The following SND1 variants were observed in gnomAD, a reference collection of about 807,000 sequenced individuals.
The protein encoded by SND1 is staphylococcal nuclease domain-containing protein 1.
Under a neutral mutation model 121.7 loss-of-function variants are expected in SND1, and 38 were observed. The observed-to-expected ratio is 0.31, with a 90% CI of 0.24 to 0.41. The LOEUF (loss-of-function observed/expected upper bound fraction) is 0.41. Ranked by LOEUF, SND1 falls within the 10% of genes least tolerant of loss-of-function variation. SND1 has a pLI of 1.00. For missense variants in SND1, 868 were observed against 1,184.6 expected, an observed-to-expected ratio of 0.73 and a Z score of 3.92; for synonymous variants, 401 against 447.4, an observed-to-expected ratio of 0.90 and a Z score of 1.31.
intron 16 of SND1, among the ~76,000 whole-genome samples, chr7:128,049,417 GC>G (rs1211060798): frequency 6.6e-6 from 1 of 151,952 alleles, no homozygotes; most frequent in Non-Finnish European, 1.5e-5. Context: ...TCCCTCCAAG[GC>G]CTCCCGACAA....
chr7:128,064,359 CAAG>C (rs1401576217), intron 16 of SND1, among the ~76,000 whole-genome samples: 1 of 152,100 alleles, frequency 6.6e-6, no homozygotes, highest in Non-Finnish European at 1.5e-5. Flanking sequence ...TCCTTAGAGA[CAAG>C]TCTGGTACAG....
At chr7:127,775,187 A>T (rs1238901794) in intron 10 of SND1, among the ~76,000 whole-genome samples, 1 of 152,226 alleles carries the variant, frequency 6.6e-6, no homozygotes. Context: ...GCAAGGACGG[A>T]TTATTCCTTA....
intron 1 of SND1, among the ~76,000 whole-genome samples, chr7:127,684,481 T>G (rs1795779654): frequency 6.6e-6 from 1 of 152,228 alleles, no homozygotes; most frequent in East Asian, 1.9e-4. Context: ...TTTCTACCAC[T>G]TGTGAGAAAG....
At chr7:127,752,436 G>A (rs1797113018) in intron 10 of SND1, among the ~76,000 whole-genome samples, 1 of 152,214 alleles carries the variant, frequency 6.6e-6, no homozygotes, top group African/African-American at 2.4e-5. Flanking sequence ...TTTCTTCGGA[G>A]ACCCAGCCAG....
At position 127,754,369 on chromosome 7, in the gene SND1, C is replaced by G. The variant is rs555655921; in HGVS notation, c.1152+32969C>G. 3.3e-5 allele frequency among the ~76,000 whole-genome samples: 5 copies of G among 152,304 alleles called. No homozygotes were observed. The South Asian group carries it at 1.0e-3, about 32-fold the overall frequency. ...TTGCCAGAACCAAATTTCCTATAGG[C>G]TTTATGTAGTCCACTAAGGGTAAAT... is the stretch of plus-strand genomic sequence containing the variant. On this transcript the variant is annotated intron_variant, in intron 10 of 23. Coordinates refer to ENST00000354725, the MANE Select transcript of SND1 (RefSeq NM_014390.4).
intron 14 of SND1, among the ~76,000 whole-genome samples, chr7:127,910,259 G>A (rs1800426689): frequency 6.6e-6 from 1 of 152,074 alleles, no homozygotes; most frequent in African/African-American, 2.4e-5. Flanking sequence ...GGCCAACATG[G>A]CAAAACCCCA....
chr7:127,944,104 T>G (rs1801274806), intron 15 of SND1, among the ~76,000 whole-genome samples: 1 of 152,236 alleles, frequency 6.6e-6, no homozygotes, highest in Admixed American at 6.5e-5. Context: ...AATGCATTTG[T>G]GCAGATAGCT....
rs771628442 is a variant in SND1 at position 127,807,503 on chromosome 7, G to A, written c.1172G>A (p.Arg391His). Reference sequence around the variant, plus strand: ...TTTTAGGATAAGAACAAGAAACTGCGTCCCCTGTATGACATTCCTTACATG... The same window carrying A: ...TTTTAGGATAAGAACAAGAAACTGCATCCCCTGTATGACATTCCTTACATG... ...ENTQDKNKKL[R>H]PLYDIPYMFE... is the part of the protein sequence containing the mutation. The change falls in exon 11 of 24, where the codon CGT (arginine) becomes CAT (histidine). Residue 391 changes from arginine to histidine, a missense_variant. This residue lies in a region of SND1 where 743 missense variants were observed against 1,071.3 expected (regional missense o/e 0.69). Transcript: ENST00000354725. 4.3e-6 allele frequency: 7 copies of A among 1,613,854 alleles called. No homozygotes were observed. The highest frequency in any genetic ancestry group is 3.3e-5 in the South Asian group (3 of 91,062).
chr7:127,816,059 A>G (rs1798433241), intron 11 of SND1, among the ~76,000 whole-genome samples: 1 of 152,148 alleles, frequency 6.6e-6, no homozygotes, highest in Non-Finnish European at 1.5e-5. Context: ...ACCCAAGCAC[A>G]TTTCCAGTGT....
In SND1 at chr7:127,751,723, A is replaced by G. The variant is rs899979153; in HGVS notation, c.1152+30323A>G. On this transcript the variant is annotated intron_variant, in intron 10 of 23. Transcript: ENST00000354725. ...ATCTGTGGGCTGGGCAGGGTTTGGA[A>G]AATAAGGAGAGTCCTTGCAGTTTTG... 2.6e-5 allele frequency among the ~76,000 whole-genome samples: 4 copies of G among 152,334 alleles called. No homozygotes were observed. In the Middle Eastern group the frequency reaches 0.01, roughly 389 times the overall value.
intron 9 of SND1, among the ~76,000 whole-genome samples, chr7:127,717,310 G>A (rs1015932716): frequency 1.3e-5 from 2 of 151,994 alleles, no homozygotes; most frequent in Admixed American, 6.5e-5. Context: ...ATTGCATTTA[G>A]TTGTCATATC....
chr7:127,939,925 T>G (rs567176887), intron 15 of SND1, among the ~76,000 whole-genome samples: 3 of 152,218 alleles, frequency 2.0e-5, no homozygotes, highest in Non-Finnish European at 4.4e-5. Context: ...TTTACTCTTA[T>G]GCTTTCATGT....
intron 16 of SND1, among the ~76,000 whole-genome samples, chr7:128,040,158 C>T (rs573385055): frequency 4.1e-5 from 4 of 96,424 alleles, no homozygotes; most frequent in Admixed American, 2.0e-4. Flanking sequence ...GGAGCCCAGG[C>T]TACCTGGGTC....
intron 15 of SND1, among the ~76,000 whole-genome samples, chr7:127,981,935 G>A (rs139069410): frequency 6.6e-6 from 1 of 152,322 alleles, no homozygotes; most frequent in East Asian, 1.9e-4. Flanking sequence ...GCAGGTTGTT[G>A]TAACAGGTTT....
At chr7:127,718,786 T>A in intron 9 of SND1, 1 of 967,888 alleles carries the variant, frequency 1.0e-6, no homozygotes, top group Non-Finnish European at 1.2e-6. Flanking sequence ...CTTTCTTTGG[T>A]TTTATTACTC....
intron 16 of SND1, among the ~76,000 whole-genome samples, chr7:128,000,368 C>CTTTTTTTTT (rs34812649): frequency 1.4e-4 from 19 of 135,170 alleles, no homozygotes; most frequent in Non-Finnish European, 2.5e-4. Context: ...GCTTTTGCTT[C>CTTTTTTTTT]TTTTTTTTTT....
At chr7:128,003,036 A>G (rs570700172) in intron 16 of SND1, among the ~76,000 whole-genome samples, 1 of 152,334 alleles carries the variant, frequency 6.6e-6, no homozygotes, top group Non-Finnish European at 1.5e-5. Flanking sequence ...AGCCTGGCCA[A>G]CATGGCGAAA....
chr7:127,857,044 A>G (rs180851126), intron 12 of SND1, among the ~76,000 whole-genome samples: 1 of 152,104 alleles, frequency 6.6e-6, no homozygotes, highest in East Asian at 1.9e-4. Flanking sequence ...AACCAAAAAT[A>G]CCCCTTCCTT....
chr7:127,662,890 C>CTTTTTTTT (rs34629378), intron 1 of SND1, among the ~76,000 whole-genome samples: 2 of 122,520 alleles, frequency 1.6e-5, no homozygotes, highest in African/African-American at 6.0e-5. Flanking sequence ...CCTCTTTTAT[C>CTTTTTTTT]TTTTTTTTTT....
Sources: allele counts gnomAD v4.1 joint callset (sites outside exome capture counted in the v4.1 genomes callset), GRCh38; gene constraint gnomAD v4.1.1; regional missense constraint gnomAD v4.1.1; transcripts MANE v1.5; gene names NCBI Gene and HGNC (gene_info 2026-07-23, HGNC 2026-07-21).